NUF2: variants seen among roughly 807,000 people sequenced by gnomAD.
NUF2 encodes kinetochore protein Nuf2.
NUF2 carries 34 observed loss-of-function variants against 61.8 expected under a neutral mutation model. That is an observed-to-expected ratio of 0.55 (90% confidence interval 0.42 to 0.73). The LOEUF (loss-of-function observed/expected upper bound fraction) is 0.73. NUF2 is among the 30% of genes least tolerant of loss of function. The pLI is 0.00. For synonymous variants in NUF2, 172 were observed against 181.6 expected (o/e 0.95, Z 0.42); for missense variants, 445 against 539.1 (o/e 0.83, Z 1.73).
chr1:163,353,528 ATTAAAT>A (rs1228909290), intron 13 of NUF2, among the ~76,000 whole-genome samples: 8 of 152,208 alleles, frequency 5.3e-5, no homozygotes. Context: ...ATTAAATTTT[ATTAAAT>A]TTAAATAGTA....
chr1:163,345,855 T>A (rs761704067), intron 11 of NUF2, 37 bp downstream of exon 11: 3 of 1,434,194 alleles, frequency 2.1e-6, no homozygotes, highest in Non-Finnish European at 2.9e-6. Flanking sequence ...CTTTATTATA[T>A]AACAGCTTAC....
At chr1:163,328,474 A>G (rs539919873) in intron 4 of NUF2, 170 bp downstream of exon 4, 1 of 515,076 alleles carries the variant, frequency 1.9e-6, no homozygotes, top group African/African-American at 2.0e-5. Context: ...ATCAAACAGA[A>G]CTGCCTCCAA....
intron 13 of NUF2, among the ~76,000 whole-genome samples, chr1:163,353,736 A>G (rs1415748341): frequency 1.3e-5 from 2 of 152,204 alleles, no homozygotes; most frequent in Non-Finnish European, 2.9e-5. Context: ...TGTCAGGGAT[A>G]CGATCTGTCA....
At chr1:163,351,669 C>T (rs1370359646) in intron 13 of NUF2, among the ~76,000 whole-genome samples, 3 of 152,174 alleles carry the variant, frequency 2.0e-5, no homozygotes, top group East Asian at 1.9e-4. Flanking sequence ...TTCTTACCTA[C>T]CTTGATTCAG....
chr1:163,340,605 A>G (rs1027639496), intron 9 of NUF2, among the ~76,000 whole-genome samples, 179 bp downstream of exon 9: 1 of 152,196 alleles, frequency 6.6e-6, no homozygotes, highest in Admixed American at 6.5e-5. Flanking sequence ...GAAACACAGA[A>G]ATGTATGAAG....
chr1:163,326,112 A>G lies in NUF2; in HGVS notation c.61A>G (p.Lys21Glu). 6.2e-7 allele frequency: 1 copy of G among 1,612,652 alleles called. No individual in the cohort carries two copies. The highest frequency in any genetic ancestry group is 8.5e-7 in the Non-Finnish European group (1 of 1,178,860). ...TGAGATTGTGATTCATATTCGCAAT[A>G]AGATCTTAACAGGAGCTGATGGTAA... ...VAEIVIHIRN[K>E]ILTGADGKNL... Residue 21 changes from lysine (K) to glutamate (E), a missense_variant, in exon 2 of 14, where the codon AAG (lysine) becomes GAG (glutamate). Transcript: ENST00000271452.
rs148215962 is a variant in NUF2 at position 163,336,824 on chromosome 1, G to A, written c.411G>A (p.Thr137=). 1.4e-4 allele frequency: 219 copies of A among 1,611,120 alleles called. No homozygotes were observed. Among genetic ancestry groups the A allele is most frequent in the Admixed American group, 2.0e-4 (12 of 59,984 alleles). The change falls in exon 6 of 14, where the codon ACG becomes ACA. Residue 137 remains threonine, a synonymous_variant. Transcript: ENST00000271452. ...ACTTCAGAGAAGCATGCCGTGAAAC[G>A]TATATGGAATTTCTTTGGCAATATG... ...FIHFREACRE[T]YMEFLWQYKS...
chr1:163,343,960 G>A lies in NUF2; in HGVS notation c.807+90G>A, dbSNP rs533823161. Reference sequence around the variant, plus strand: ...ATTATGTGTTAATTTTTGGATTTCTGAATTATCTATACTTCTCTTCCTCTT... The same window carrying A: ...ATTATGTGTTAATTTTTGGATTTCTAAATTATCTATACTTCTCTTCCTCTT... On this transcript the variant is annotated intron_variant, in intron 10 of 13. Coordinates refer to ENST00000271452, the MANE Select transcript of NUF2 (RefSeq NM_145697.3). 1.0e-4 allele frequency: 78 copies of A among 771,096 alleles called. No homozygotes were observed. In the African/African-American group the frequency reaches 1.4e-3, roughly 14 times the overall value. The allele number at this position is 771,096 out of a possible 1,614,324, so 47.8% of individuals were successfully genotyped here.
chr1:163,345,139 A>G (rs147536250), intron 10 of NUF2, among the ~76,000 whole-genome samples: 413 of 152,284 alleles, frequency 2.7e-3, no homozygotes, highest in African/African-American at 9.4e-3. Flanking sequence ...TATTTTACAA[A>G]TTAGTAAGAA....
intron 11 of NUF2, 39 bp downstream of exon 11, chr1:163,345,857 A>G (rs769785223): frequency 2.1e-6 from 3 of 1,398,328 alleles, no homozygotes; most frequent in Non-Finnish European, 3.0e-6. Flanking sequence ...TTATTATATA[A>G]CAGCTTACTA....
chr1:163,345,948 G>C (rs1651109962), intron 11 of NUF2, 130 bp downstream of exon 11: 4 of 564,350 alleles, frequency 7.1e-6, no homozygotes, highest in Non-Finnish European at 8.9e-6. Context: ...AATAGATGTG[G>C]CAATGTATGC....
chr1:163,347,827 A>G lies in NUF2; in HGVS notation c.1013A>G (p.Glu338Gly). 3 of 1,612,436 alleles carry G rather than the reference A, an allele frequency of 1.9e-6. No homozygotes were observed. In the South Asian group the frequency reaches 3.3e-5, roughly 18 times the overall value. ...GAACTGAAGAAATTGAAGACTGAAG[A>G]AAATTCGTTCAAAAGACTGATGATT... ...ESELKKLKTE[E>G]NSFKRLMIVK... The change falls in exon 12 of 14, where the codon GAA becomes GGA. Residue 338 changes from glutamate to glycine, a missense_variant. Coordinates refer to ENST00000271452, the MANE Select transcript of NUF2 (RefSeq NM_145697.3).
chr1:163,346,633 C>T (rs1269606044), intron 11 of NUF2, among the ~76,000 whole-genome samples: 1 of 152,082 alleles, frequency 6.6e-6, no homozygotes, highest in African/African-American at 2.4e-5. Flanking sequence ...GGCGGGAGGA[C>T]CATTGAGACC....
At chr1:163,333,599 T>C (rs947982561) in intron 5 of NUF2, among the ~76,000 whole-genome samples, 19 of 152,076 alleles carry the variant, frequency 1.2e-4, no homozygotes, top group African/African-American at 4.1e-4. Flanking sequence ...ATATGTCTTT[T>C]TAAAATGGTA....
At chr1:163,334,934 G>T (rs1372508068) in intron 5 of NUF2, among the ~76,000 whole-genome samples, 1 of 151,836 alleles carries the variant, frequency 6.6e-6, no homozygotes, top group Non-Finnish European at 1.5e-5. Context: ...GCCATTTTTT[G>T]TGTGTTTGTC....
intron 10 of NUF2, among the ~76,000 whole-genome samples, chr1:163,345,181 G>C (rs1366886489): frequency 6.6e-6 from 1 of 152,068 alleles, no homozygotes; most frequent in Non-Finnish European, 1.5e-5. Context: ...CAAGGGGTAG[G>C]CTAGTGAGGA....
At chr1:163,325,364 G>T (rs1314031233) in intron 1 of NUF2, among the ~76,000 whole-genome samples, 1 of 152,176 alleles carries the variant, frequency 6.6e-6, no homozygotes, top group Non-Finnish European at 1.5e-5. Context: ...TGTGCCCTTG[G>T]TGATAAAGTT....
intron 5 of NUF2, 109 bp from the exon 6 acceptor site, chr1:163,336,641 GT>G: frequency 1.5e-6 from 1 of 684,700 alleles, no homozygotes; most frequent in Non-Finnish European, 2.5e-6. Flanking sequence ...ATCCTATACA[GT>G]TTTATTTTAT....
At chr1:163,328,935 T>G (rs1276897905) in intron 5 of NUF2, 28 bp downstream of exon 5, 2 of 1,358,552 alleles carry the variant, frequency 1.5e-6, no homozygotes, top group Non-Finnish European at 2.1e-6. Flanking sequence ...ACAGTTTTAA[T>G]GTCTGGCTTC....
Sources: gnomAD v4.1 joint callset for allele counts (sites outside exome capture counted in the v4.1 genomes callset) on GRCh38, gnomAD v4.1.1 for gene constraint, MANE v1.5 for transcripts, NCBI Gene and HGNC (gene_info 2026-07-23, HGNC 2026-07-21) for gene names.